Variants in ELAVL2 observed in about 807,000 individuals in gnomAD.
ELAVL2 encodes ELAV-like protein 2.
Under a neutral mutation model 34.6 loss-of-function variants are expected in ELAVL2, and 4 were observed. That is an observed-to-expected ratio of 0.12 (90% CI 0.06 to 0.26). The LOEUF is 0.26. Ranked by LOEUF, ELAVL2 falls within the 10% of genes least tolerant of loss-of-function variation. The pLI is 1.00. For missense variants in ELAVL2, 432 were observed against 442.8 expected (o/e 0.98, Z 0.22); for synonymous variants, 193 against 154.8 (o/e 1.25, Z -1.83).
chr9:23,722,124 A>C (rs1362044002), intron 3 of ELAVL2, among the ~76,000 whole-genome samples: 1 of 152,218 alleles, frequency 6.6e-6, no homozygotes, highest in East Asian at 1.9e-4. Flanking sequence ...ACACACTAAA[A>C]GTAATGATAG....
chr9:23,750,987 AAGG>A (rs1306759932), intron 2 of ELAVL2, among the ~76,000 whole-genome samples: 1 of 152,178 alleles, frequency 6.6e-6, no homozygotes, highest in Admixed American at 6.5e-5. Flanking sequence ...TTTACTTTAA[AAGG>A]AGGATTTGAC....
chr9:23,744,557 C>G (rs1360071777), intron 2 of ELAVL2, among the ~76,000 whole-genome samples: 1 of 151,936 alleles, frequency 6.6e-6, no homozygotes, highest in African/African-American at 2.4e-5. Flanking sequence ...AGAATATAAC[C>G]TATTAAGTGC....
intron 1 of ELAVL2, chr9:23,821,518 G>A (rs971655478): frequency 3.3e-5 from 5 of 152,180 alleles, no homozygotes; most frequent in Admixed American, 2.6e-4. Flanking sequence ...CGCAGCGGGG[G>A]CGCGCACAGA....
At chr9:23,846,596 TG>T in the ELAVL2 span, among the ~76,000 whole-genome samples, 3 of 152,036 alleles carry the variant, frequency 2.0e-5, 1 homozygote, top group Admixed American at 2.0e-4. Context: ...AAAATACTTT[TG>T]TCACTATAAC....
At chr9:23,843,325 C>A in the ELAVL2 span, among the ~76,000 whole-genome samples, 1 of 151,790 alleles carries the variant, frequency 6.6e-6, no homozygotes, top group African/African-American at 2.4e-5. Context: ...GGAGAGAATC[C>A]CAGAGGGAAT....
intron 5 of ELAVL2, among the ~76,000 whole-genome samples, chr9:23,697,942 C>T (rs924616565): frequency 6.6e-5 from 10 of 151,568 alleles, no homozygotes; most frequent in Admixed American, 2.0e-4. Flanking sequence ...TTCTTACTGC[C>T]TTACTGCCTT....
intron 4 of ELAVL2, among the ~76,000 whole-genome samples, chr9:23,703,876 T>A (rs569997985): frequency 2.8e-4 from 42 of 152,282 alleles, no homozygotes; most frequent in Admixed American, 5.2e-4. Flanking sequence ...CTCACAATGT[T>A]TCTCTATTTT....
At position 23,762,204 on chromosome 9, in the gene ELAVL2, A is replaced by G. The variant is rs756428913; in HGVS notation, c.31T>C (p.Cys11Arg). The G allele has an allele frequency of 2.5e-6, 4 of 1,613,586 alleles. No individual in the cohort carries two copies. The South Asian group carries it at 4.4e-5, about 18-fold the overall frequency. ...GTTGGACCATTGGCTGTGTTATTGC[A>G]AGTTGGCCCATTAGACAGTTGTGTT... METQLSNGPT[C>R]NNTANGPTTI... The change falls in exon 2 of 7, where the codon TGC becomes CGC. Residue 11 changes from cysteine to arginine, a missense_variant. Physicochemically the swap from Cys to Arg is radical, Grantham distance 180. Coordinates refer to ENST00000397312, the MANE Select transcript of ELAVL2 (RefSeq NM_004432.5).
chr9:23,754,603 C>G (rs1018734350), intron 2 of ELAVL2, among the ~76,000 whole-genome samples: 1 of 152,042 alleles, frequency 6.6e-6, no homozygotes, highest in South Asian at 2.1e-4. Flanking sequence ...GGACTACAGG[C>G]GTGCAGCACC....
At chr9:23,732,398 T>C (rs547789903) in intron 2 of ELAVL2, among the ~76,000 whole-genome samples, 174 of 152,300 alleles carry the variant, frequency 1.1e-3, no homozygotes, top group Non-Finnish European at 2.0e-3. Context: ...CTAATATATG[T>C]CCTCTATCAA....
intron 3 of ELAVL2, among the ~76,000 whole-genome samples, chr9:23,706,816 T>G (rs2039478636): frequency 1.3e-5 from 2 of 152,254 alleles, no homozygotes; most frequent in South Asian, 4.1e-4. Context: ...TAATTTGAAT[T>G]GTGCCCACAG....
intron 1 of ELAVL2, among the ~76,000 whole-genome samples, chr9:23,820,922 C>T (rs774738431): frequency 6.6e-6 from 1 of 152,310 alleles, no homozygotes; most frequent in South Asian, 2.1e-4. Context: ...CGCGCGGCTG[C>T]GACGGGCCTC....
Position 23,701,386 on chromosome 9 carries a change from G to A in ELAVL2, c.706C>T (p.Arg236Cys), listed in dbSNP as rs772784712. Reference protein sequence around the residue: ...YPGPLAQQAQRFRLDNLLNMA... With the variant: ...YPGPLAQQAQCFRLDNLLNMA... ...GAACCAAACCAGACTTACCTAAAAC[G>A]CTGTGCCTGCTGAGCTAGCGGTCCT... The change falls in exon 5 of 7, where the codon CGT (arginine) becomes TGT (cysteine). Residue 236 changes from arginine to cysteine, a missense_variant. Arg to Cys is a radical substitution (Grantham distance 180). Coordinates refer to ENST00000397312, the MANE Select transcript of ELAVL2 (RefSeq NM_004432.5). The A allele has an allele frequency of 6.2e-7, 1 of 1,614,024 alleles. No homozygotes were observed. The highest frequency in any genetic ancestry group is 2.2e-5 in the East Asian group (1 of 44,874).
intron 3 of ELAVL2, among the ~76,000 whole-genome samples, chr9:23,711,957 G>C (rs10966035): frequency 0.18 from 27,931 of 152,086 alleles, 3,022 homozygotes; most frequent in South Asian, 0.39. Context: ...GGTACTTTGT[G>C]TACAGACTAC....
chr9:23,786,033 C>CT (rs1415248602), intron 1 of ELAVL2, among the ~76,000 whole-genome samples: 1 of 152,166 alleles, frequency 6.6e-6, no homozygotes, highest in East Asian at 1.9e-4. Flanking sequence ...ATTTTGTACT[C>CT]TGTCTCAAGC....
At chr9:23,844,548 G>A in the ELAVL2 span, among the ~76,000 whole-genome samples, 2 of 151,902 alleles carry the variant, frequency 1.3e-5, no homozygotes, top group African/African-American at 2.4e-5. Flanking sequence ...ACAAAGGATC[G>A]TGGTAGTATT....
chr9:23,756,298 C>A (rs1345939993), intron 2 of ELAVL2, among the ~76,000 whole-genome samples: 2 of 152,182 alleles, frequency 1.3e-5, no homozygotes, highest in Admixed American at 6.6e-5. Context: ...AAGGCACTAC[C>A]TACTCAGAGG....
At chr9:23,809,896 C>T (rs2062751730) in intron 1 of ELAVL2, among the ~76,000 whole-genome samples, 1 of 152,146 alleles carries the variant, frequency 6.6e-6, no homozygotes, top group South Asian at 2.1e-4. Flanking sequence ...AAAGGTGAAT[C>T]AAGAACAATC....
intron 2 of ELAVL2, among the ~76,000 whole-genome samples, chr9:23,744,354 GT>G (rs536398923): frequency 4.1e-4 from 62 of 152,260 alleles, no homozygotes; most frequent in African/African-American, 1.4e-3. Context: ...TAAATAACTA[GT>G]TTTTCAGCTC....
Sources: gnomAD v4.1 joint callset for allele counts (sites outside exome capture counted in the v4.1 genomes callset) on GRCh38, gnomAD v4.1.1 for gene constraint, MANE v1.5 for transcripts, NCBI Gene and HGNC (gene_info 2026-07-23, HGNC 2026-07-21) for gene names.